The following ZFHX3 variants were observed in gnomAD, a reference collection of about 807,000 sequenced individuals.
ZFHX3 encodes the protein zinc finger homeobox protein 3.
In ZFHX3, 42 loss-of-function variants were observed where a neutral mutation model predicts 279.1. The observed-to-expected ratio is 0.15, with a 90% CI of 0.12 to 0.19. ZFHX3 has a LOEUF of 0.19. Ranked by LOEUF, ZFHX3 falls within the 10% of genes least tolerant of loss-of-function variation. The pLI is 1.00. For synonymous variants in ZFHX3, 2,293 were observed against 1,957.8 expected (o/e 1.17, Z -4.52); for missense variants, 4,981 against 4,754.0 (o/e 1.05, Z -1.40).
chr16:73,137,763 T>C (rs1966817708), intron 6 of ZFHX3, among the ~76,000 whole-genome samples: 1 of 152,184 alleles, frequency 6.6e-6, no homozygotes, highest in Non-Finnish European at 1.5e-5. Flanking sequence ...AAGCATGGAA[T>C]TAAAAAAATT....
chr16:73,585,793 A>G (rs61157918), intron 2 of ZFHX3, among the ~76,000 whole-genome samples: 2,514 of 152,306 alleles, frequency 0.017, 87 homozygotes, highest in African/African-American at 0.057. Context: ...TGCAGTTAAA[A>G]TGTTTCAAGG....
At chr16:73,243,268 A>C (rs535539292) in intron 5 of ZFHX3, among the ~76,000 whole-genome samples, 126 of 152,374 alleles carry the variant, frequency 8.3e-4, no homozygotes, top group African/African-American at 2.7e-3. Context: ...AATCTTTGCT[A>C]TAAATTGCTC....
intron 1 of ZFHX3, among the ~76,000 whole-genome samples, chr16:73,811,183 G>A (rs1032006978): frequency 1.3e-5 from 2 of 152,100 alleles, no homozygotes; most frequent in African/African-American, 2.4e-5. Flanking sequence ...TTGTATCTCT[G>A]TTGTGATGAA....
chr16:72,909,265 GT>G (rs1165053707), intron 3 of ZFHX3, among the ~76,000 whole-genome samples: 1 of 152,098 alleles, frequency 6.6e-6, no homozygotes, highest in Non-Finnish European at 1.5e-5. Flanking sequence ...TATTCAGAGG[GT>G]AAAAAAGCTT....
intron 7 of ZFHX3, chr16:72,809,613 A>T (rs2036378174): frequency 6.6e-6 from 1 of 152,196 alleles, no homozygotes; most frequent in African/African-American, 2.4e-5. Flanking sequence ...CTCTTGATGC[A>T]TCATCAATTA....
chr16:73,561,161 G>A (rs2020363363), intron 2 of ZFHX3, among the ~76,000 whole-genome samples: 1 of 152,182 alleles, frequency 6.6e-6, no homozygotes, highest in African/African-American at 2.4e-5. Flanking sequence ...ATCTGACAGT[G>A]CTGCACCAGA....
rs747129657 is a variant in ZFHX3, at chr16:72,795,081, T to A, written c.7601A>T (p.Gln2534Leu). The A allele has an allele frequency of 6.2e-7, 1 of 1,613,934 alleles. No individual in the cohort carries two copies. Among genetic ancestry groups the A allele is most frequent in the South Asian group, 1.1e-5 (1 of 91,062 alleles). ...AAATGACGGAAATGCCAACTTACAC[T>A]GGTCACACTGGTAGGGGATTAGCTG... ...PPQLIPYQCD[Q>L]CKLAFPSFEH... Residue 2534 changes from glutamine to leucine, a missense_variant, in exon 9 of 10, where the codon CAG becomes CTG. By Grantham distance (113) the Gln-to-Leu change is moderately radical. Transcript: ENST00000268489.
chr16:73,671,147 G>A (rs905211481), intron 2 of ZFHX3, among the ~76,000 whole-genome samples: 4 of 152,166 alleles, frequency 2.6e-5, no homozygotes, highest in Admixed American at 1.3e-4. Context: ...AAATCAAATG[G>A]GAACCCTTTT....
chr16:72,981,189 T>C (rs550081555), intron 1 of ZFHX3, among the ~76,000 whole-genome samples: 3 of 152,240 alleles, frequency 2.0e-5, no homozygotes, highest in South Asian at 4.2e-4. Flanking sequence ...TCTTACTCCT[T>C]CTCTTAGAAG....
intron 3 of ZFHX3, among the ~76,000 whole-genome samples, chr16:73,360,158 AG>A (rs1263633123): frequency 6.6e-6 from 1 of 152,226 alleles, no homozygotes; most frequent in African/African-American, 2.4e-5. Flanking sequence ...TAATATCTAC[AG>A]CAAGAAGTCA....
chr16:73,446,772 T>A (rs914825289), intron 3 of ZFHX3, among the ~76,000 whole-genome samples: 2 of 151,952 alleles, frequency 1.3e-5, no homozygotes, highest in African/African-American at 4.8e-5. Flanking sequence ...TCAGCAAAAA[T>A]CAACCATGGG....
chr16:73,412,071 A>G (rs1426531686), intron 3 of ZFHX3, among the ~76,000 whole-genome samples: 2 of 152,318 alleles, frequency 1.3e-5, no homozygotes, highest in East Asian at 3.9e-4. Flanking sequence ...TTATGTCTGT[A>G]ATCCCAGCAC....
chr16:72,807,220 T>G (rs1454332010), intron 7 of ZFHX3: 1 of 152,202 alleles, frequency 6.6e-6, no homozygotes, highest in African/African-American at 2.4e-5. Context: ...TAACTGACAT[T>G]GGGGGAGGGC....
intron 2 of ZFHX3, among the ~76,000 whole-genome samples, chr16:73,618,133 T>C (rs1597030664): frequency 6.6e-6 from 1 of 152,196 alleles, no homozygotes; most frequent in African/African-American, 2.4e-5. Context: ...CCGGCGTCTA[T>C]AGTCCAGCCG....
At chr16:72,911,232 A>G (rs1394610821) in intron 3 of ZFHX3, among the ~76,000 whole-genome samples, 2 of 152,252 alleles carry the variant, frequency 1.3e-5, no homozygotes, top group Non-Finnish European at 2.9e-5. Flanking sequence ...ACAGGAGTTA[A>G]TATTTGTTAA....
At chr16:73,150,147 G>A (rs1702885603) in intron 5 of ZFHX3, among the ~76,000 whole-genome samples, 1 of 152,182 alleles carries the variant, frequency 6.6e-6, no homozygotes. Flanking sequence ...GATGCTGCTG[G>A]ATGGAGGCTC....
chr16:73,367,232 T>C (rs1433895997), intron 3 of ZFHX3, among the ~76,000 whole-genome samples: 1 of 152,148 alleles, frequency 6.6e-6, no homozygotes. Context: ...TCGAGCTCCA[T>C]GGCTTTGGAA....
intron 8 of ZFHX3, among the ~76,000 whole-genome samples, chr16:73,080,128 A>T (rs1312708921): frequency 6.6e-6 from 1 of 152,172 alleles, no homozygotes; most frequent in Non-Finnish European, 1.5e-5. Context: ...CCAATATTAA[A>T]TGTGAATTAT....
chr16:72,858,722 C>A (rs747605768), intron 4 of ZFHX3, among the ~76,000 whole-genome samples: 1 of 152,204 alleles, frequency 6.6e-6, no homozygotes, highest in Non-Finnish European at 1.5e-5. Context: ...CAAGGTTAGT[C>A]GTTTTCAATT....
Sources: gnomAD v4.1 joint callset for allele counts (sites outside exome capture counted in the v4.1 genomes callset) on GRCh38, gnomAD v4.1.1 for gene constraint, MANE v1.5 for transcripts, NCBI Gene and HGNC (gene_info 2026-07-23, HGNC 2026-07-21) for gene names.